Variants in RAB7A observed in about 807,000 individuals in gnomAD.
RAB7A encodes the protein RAB7A, member RAS oncogene family.
In RAB7A, 2 loss-of-function variants were observed where a neutral mutation model predicts 24.5. That is an observed-to-expected ratio of 0.08 (90% CI 0.03 to 0.26). The LOEUF (loss-of-function observed/expected upper bound fraction) is 0.26, where lower values mean the gene tolerates loss of function less well. Among genes scored for constraint, RAB7A ranks in the 10% least tolerant of loss-of-function variants. The pLI is 1.00. For missense variants in RAB7A, 118 were observed against 255.7 expected, an observed-to-expected ratio of 0.46 and a Z score of 3.67; for synonymous variants, 100 against 95.9, an observed-to-expected ratio of 1.04 and a Z score of -0.25.
chr3:128,726,765 G>T (rs1304870580), intron 1 of RAB7A, among the ~76,000 whole-genome samples: 1 of 152,212 alleles, frequency 6.6e-6, no homozygotes, highest in Non-Finnish European at 1.5e-5. Context: ...CACCCGGCGG[G>T]CATGGGTCAC....
chr3:128,805,709 A>G (rs1371040771), intron 3 of RAB7A, among the ~76,000 whole-genome samples: 3 of 152,066 alleles, frequency 2.0e-5, no homozygotes, highest in East Asian at 1.9e-4. Context: ...CTGGAGGGCA[A>G]TGGCACGATC....
chr3:128,776,977 CACA>C (rs1559790043), intron 1 of RAB7A, among the ~76,000 whole-genome samples: 3 of 151,916 alleles, frequency 2.0e-5, no homozygotes, highest in Non-Finnish European at 4.4e-5. Context: ...CACACACACA[CACA>C]CACACACCCC....
chr3:128,776,743 C>T (rs891612731), intron 1 of RAB7A, among the ~76,000 whole-genome samples: 2 of 152,028 alleles, frequency 1.3e-5, no homozygotes, highest in African/African-American at 4.8e-5. Context: ...AATGGGAGTT[C>T]TATTTTTAAT....
intron 1 of RAB7A, among the ~76,000 whole-genome samples, chr3:128,747,003 A>G (rs915025338): frequency 4.0e-5 from 6 of 151,764 alleles, no homozygotes; most frequent in African/African-American, 1.5e-4. Flanking sequence ...ATTAAAAATC[A>G]TATTAACTGA....
intron 1 of RAB7A, chr3:128,764,481 A>T: frequency 1.3e-6 from 1 of 778,838 alleles, no homozygotes; most frequent in Non-Finnish European, 2.3e-6. Flanking sequence ...TTTCATTATC[A>T]CTGTCTCCCA....
At chr3:128,751,380 G>T (rs2070679678) in intron 1 of RAB7A, among the ~76,000 whole-genome samples, 1 of 152,196 alleles carries the variant, frequency 6.6e-6, no homozygotes, top group Non-Finnish European at 1.5e-5. Context: ...AGCTGCCCAA[G>T]ACCATGGGAA....
chr3:128,765,787 G>C (rs976316113), intron 1 of RAB7A, among the ~76,000 whole-genome samples: 11 of 141,732 alleles, frequency 7.8e-5, no homozygotes, highest in Non-Finnish European at 1.4e-4. Flanking sequence ...CCGAGACAGA[G>C]TTTCTCTCTT....
chr3:128,726,517 G>A (rs1307483562), intron 1 of RAB7A, among the ~76,000 whole-genome samples, 158 bp downstream of exon 1: 1 of 152,146 alleles, frequency 6.6e-6, no homozygotes, highest in African/African-American at 2.4e-5. Context: ...CCCCGGAGCA[G>A]GCCAAGACCC....
chr3:128,759,315 G>A (rs545355222), intron 1 of RAB7A, among the ~76,000 whole-genome samples: 1 of 152,326 alleles, frequency 6.6e-6, no homozygotes, highest in Admixed American at 6.5e-5. Context: ...GCTTAATGTG[G>A]TAGGTAAGGA....
Position 128,806,493 on chromosome 3 carries a change from G to A in RAB7A, c.302G>A (p.Ser101Asn), listed in dbSNP as rs1235879402. 6.2e-7 allele frequency: 1 copy of A among 1,613,988 alleles called. No individual in the cohort carries two copies. The highest frequency in any genetic ancestry group is 1.3e-5 in the African/African-American group (1 of 74,904). The stretch of plus-strand genomic sequence containing the variant: ...CCCAACACATTCAAAACCCTAGATA[G>A]CTGGAGAGATGAGTTTCTCATCCAG... ...TAPNTFKTLD[S>N]WRDEFLIQAS... is the part of the protein sequence containing the mutation. The change falls in exon 4 of 6, where the codon AGC (serine) becomes AAC (asparagine). Residue 101 changes from serine to asparagine, a missense_variant. Around this residue, in one of 2 missense-constraint regions of RAB7A, gnomAD observed 52 missense variants for 173.5 expected, o/e 0.30. Coordinates refer to ENST00000265062, the MANE Select transcript of RAB7A (RefSeq NM_004637.6).
intron 1 of RAB7A, among the ~76,000 whole-genome samples, chr3:128,754,942 G>T (rs2070716937): frequency 6.6e-6 from 1 of 152,126 alleles, no homozygotes; most frequent in South Asian, 2.1e-4. Flanking sequence ...GGACTTTAAT[G>T]GGTAGAAGAA....
chr3:128,788,573 C>G (rs1933388846), intron 1 of RAB7A, among the ~76,000 whole-genome samples: 1 of 152,134 alleles, frequency 6.6e-6, no homozygotes. Flanking sequence ...TTGGGGCCTA[C>G]CCCCCATGGA....
At chr3:128,807,427 C>CT in intron 4 of RAB7A, 116 bp from the exon 5 acceptor site, 1 of 1,481,558 alleles carries the variant, frequency 6.7e-7, no homozygotes, top group Non-Finnish European at 9.4e-7. Context: ...TTCCCCATGT[C>CT]TGTGTCCTCA....
intron 1 of RAB7A, among the ~76,000 whole-genome samples, chr3:128,742,221 T>C (rs2070561700): frequency 6.6e-6 from 1 of 152,004 alleles, no homozygotes; most frequent in Admixed American, 6.6e-5. Flanking sequence ...AGTTGTTTAT[T>C]CCCCCCGGTG....
At chr3:128,766,914 C>G (rs2070837050) in intron 1 of RAB7A, among the ~76,000 whole-genome samples, 1 of 152,064 alleles carries the variant, frequency 6.6e-6, no homozygotes, top group African/African-American at 2.4e-5. Flanking sequence ...ACATTCCCAC[C>G]AGCGGTGTAG....
chr3:128,775,642 A>G (rs1933070700), intron 1 of RAB7A, among the ~76,000 whole-genome samples: 1 of 152,248 alleles, frequency 6.6e-6, no homozygotes, highest in Non-Finnish European at 1.5e-5. Flanking sequence ...TCCTTTACCT[A>G]AATGAATTTG....
intron 1 of RAB7A, among the ~76,000 whole-genome samples, chr3:128,763,208 A>ATATATATATATTTTTTTTT (rs373993932): frequency 3.9e-5 from 3 of 76,110 alleles, no homozygotes; most frequent in African/African-American, 2.4e-4. Flanking sequence ...ATATATATAT[A>ATATATATATATTTTTTTTT]TTTTTTTTTT....
At chr3:128,806,685 G>A in intron 4 of RAB7A, 95 bp downstream of exon 4, 4 of 1,259,976 alleles carry the variant, frequency 3.2e-6, no homozygotes, top group East Asian at 2.4e-5. Context: ...CATGGCTCTA[G>A]GAGGTGCTGG....
intron 1 of RAB7A, among the ~76,000 whole-genome samples, chr3:128,747,522 G>A (rs944903023): frequency 4.6e-5 from 7 of 150,558 alleles, no homozygotes; most frequent in African/African-American, 1.7e-4. Flanking sequence ...GGAGGCGGAG[G>A]TTGCAGTGAG....
Sources: allele counts gnomAD v4.1 joint callset (sites outside exome capture counted in the v4.1 genomes callset), GRCh38; gene constraint gnomAD v4.1.1; regional missense constraint gnomAD v4.1.1; transcripts MANE v1.5; gene names NCBI Gene and HGNC (gene_info 2026-07-23, HGNC 2026-07-21).